The following FRMD5 variants were observed in gnomAD, a reference collection of about 807,000 sequenced individuals.
The protein encoded by FRMD5 is FERM domain containing 5.
FRMD5 carries 20 observed loss-of-function variants against 69.0 expected under a neutral mutation model. That is an observed-to-expected ratio of 0.29 (90% confidence interval 0.20 to 0.42). FRMD5 has a LOEUF of 0.42. FRMD5 is among the 10% of genes least tolerant of loss of function. The pLI, the probability that FRMD5 is intolerant of heterozygous loss-of-function variation, is 1.00. For missense variants in FRMD5, 595 were observed against 708.6 expected (o/e 0.84, Z 1.82); for synonymous variants, 271 against 260.1 (o/e 1.04, Z -0.40).
intron 1 of FRMD5, among the ~76,000 whole-genome samples, chr15:44,109,611 T>C (rs2076769013): frequency 6.6e-6 from 1 of 152,086 alleles, no homozygotes; most frequent in Admixed American, 6.6e-5. Flanking sequence ...CGGTGGTACA[T>C]TTGTTATAAT....
chr15:44,124,509 C>T (rs1337861085), intron 1 of FRMD5, among the ~76,000 whole-genome samples: 21 of 151,742 alleles, frequency 1.4e-4, no homozygotes, highest in Admixed American at 1.3e-3. Context: ...ACCATCCTGG[C>T]TAACACGGCG....
rs1595503222 is a variant in FRMD5 at position 43,905,896 on chromosome 15, G to A, written c.483C>T (p.Phe161=). 6.2e-7 allele frequency: 1 copy of A among 1,614,062 alleles called. No homozygotes were observed. The highest frequency in any genetic ancestry group is 8.5e-7 in the Non-Finnish European group (1 of 1,180,034). The change falls in exon 6 of 14, where the codon TTC becomes TTT. Residue 161 remains phenylalanine (F), a synonymous_variant. Transcript: ENST00000417257. ...TCTCTGAATGTTTAGGGAAAAACTG[G>A]AACTTGGAGCTGTAGCCTTCAGGGT... ...GKHPEGYSSK[F]QFFPKHSEKL... is the part of the protein sequence containing the mutation.
chr15:44,178,722 C>T (rs555435256), intron 1 of FRMD5, among the ~76,000 whole-genome samples: 1 of 152,118 alleles, frequency 6.6e-6, no homozygotes, highest in Admixed American at 6.6e-5. Flanking sequence ...AGGCCGGGTA[C>T]GGTGGCTCAC....
intron 8 of FRMD5, among the ~76,000 whole-genome samples, chr15:43,890,210 A>AG (rs2088763042): frequency 6.6e-6 from 1 of 152,248 alleles, no homozygotes; most frequent in South Asian, 2.1e-4. Flanking sequence ...CAGATCACCT[A>AG]GGTTCCAACA....
At chr15:44,155,158 G>A (rs1463996734) in intron 1 of FRMD5, among the ~76,000 whole-genome samples, 1 of 152,146 alleles carries the variant, frequency 6.6e-6, no homozygotes, top group Non-Finnish European at 1.5e-5. Flanking sequence ...AAGCTGGCCA[G>A]GCACGGTGGC....
chr15:44,004,130 T>C (rs932747637), intron 1 of FRMD5, among the ~76,000 whole-genome samples: 2 of 152,248 alleles, frequency 1.3e-5, no homozygotes, highest in East Asian at 1.9e-4. Context: ...CTCATATTTA[T>C]TTTTCAAACC....
At chr15:44,052,570 T>G (rs757325029) in intron 1 of FRMD5, among the ~76,000 whole-genome samples, 1 of 151,284 alleles carries the variant, frequency 6.6e-6, no homozygotes, top group Non-Finnish European at 1.5e-5. Flanking sequence ...AGAATCAAAA[T>G]ATTGCTCAGG....
In FRMD5 at chr15:43,971,711, C is replaced by T. The variant is rs141708309; in HGVS notation, c.103-47402G>A. Among the ~76,000 whole-genome samples, 865 of 151,054 alleles carry T rather than the reference C, an allele frequency of 5.7e-3. 6 individuals are homozygous for T. Among genetic ancestry groups the T allele is most frequent in the Non-Finnish European group, 9.2e-3 (622 of 67,796 alleles). ...ATTTTATATACTGTTTTTAAAACTT[C>T]GTTTTTTCTTCTTTTTTTGAGTTTC... On this transcript the variant is annotated intron_variant, in intron 1 of 13. Transcript: ENST00000417257.
rs370505804 is a variant in FRMD5 at position 43,924,288 on chromosome 15, G to A, written c.124C>T (p.Leu42=). Residue 42 remains leucine, a synonymous_variant, in exon 2 of 14, where the codon CTG becomes TTG. Transcript: ENST00000417257. ...TIQRDAKGQY[L]FDLLCHHLNL... is the part of the protein sequence containing the mutation. Reference sequence around the variant, plus strand: ...AGATGGTGGCAAAGAAGGTCAAACAGGTACTGGCCTTTGGCATCTCTCTGC... The same window carrying A: ...AGATGGTGGCAAAGAAGGTCAAACAAGTACTGGCCTTTGGCATCTCTCTGC... 1.4e-5 allele frequency: 23 copies of A among 1,613,786 alleles called. No individual in the cohort carries two copies. In the African/African-American group the frequency reaches 1.9e-4, roughly 13 times the overall value.
chr15:44,038,207 T>C (rs1168100260), intron 1 of FRMD5, among the ~76,000 whole-genome samples: 2 of 152,322 alleles, frequency 1.3e-5, no homozygotes, highest in African/African-American at 2.4e-5. Flanking sequence ...GTCAGATGGA[T>C]AGATTGCAAA....
intron 4 of FRMD5, chr15:43,919,031 C>G (rs1445249936): frequency 3.3e-6 from 1 of 300,520 alleles, no homozygotes; most frequent in African/African-American, 2.2e-5. Context: ...TCTTCAGTAT[C>G]TCCCAGCTTA....
intron 1 of FRMD5, among the ~76,000 whole-genome samples, chr15:44,010,468 G>C (rs542783356): frequency 6.7e-6 from 1 of 148,856 alleles, no homozygotes; most frequent in African/African-American, 2.5e-5. Flanking sequence ...CACGATCTCA[G>C]CTCACTGCAA....
intron 1 of FRMD5, among the ~76,000 whole-genome samples, chr15:44,074,719 C>T (rs1475562840): frequency 6.6e-6 from 1 of 152,030 alleles, no homozygotes; most frequent in East Asian, 1.9e-4. Flanking sequence ...AAGTCCATGG[C>T]CACAGTTCAA....
chr15:43,969,308 C>A (rs565468695), intron 1 of FRMD5, among the ~76,000 whole-genome samples: 1 of 152,198 alleles, frequency 6.6e-6, no homozygotes, highest in South Asian at 2.1e-4. Context: ...TCTCACACTC[C>A]TGGGCTCAAG....
chr15:43,928,414 CA>C (rs1320106658), intron 1 of FRMD5, among the ~76,000 whole-genome samples: 2 of 152,204 alleles, frequency 1.3e-5, no homozygotes, highest in African/African-American at 4.8e-5. Context: ...GCACCTTTCA[CA>C]GAGGGTTGCG....
chr15:43,933,188 A>G (rs1317328552), intron 1 of FRMD5, among the ~76,000 whole-genome samples: 1 of 152,218 alleles, frequency 6.6e-6, no homozygotes, highest in Non-Finnish European at 1.5e-5. Flanking sequence ...GGCCTAGGAA[A>G]GCAGCAGGAC....
intron 1 of FRMD5, among the ~76,000 whole-genome samples, chr15:44,159,542 T>C (rs1282710537): frequency 6.6e-6 from 1 of 152,108 alleles, no homozygotes; most frequent in African/African-American, 2.4e-5. Flanking sequence ...GAAGGGATCT[T>C]GGAGCCTAAA....
intron 1 of FRMD5, among the ~76,000 whole-genome samples, chr15:44,005,215 C>T (rs1217757444): frequency 6.6e-6 from 1 of 152,166 alleles, no homozygotes; most frequent in South Asian, 2.1e-4. Context: ...GGTGTGGTGG[C>T]TCATGCCTGT....
chr15:44,070,179 C>T (rs1470756084), intron 1 of FRMD5, among the ~76,000 whole-genome samples: 5 of 151,842 alleles, frequency 3.3e-5, no homozygotes, highest in Admixed American at 3.3e-4. Flanking sequence ...TACCTGAAAC[C>T]CATAGGAAAC....
Sources: gnomAD v4.1 joint callset for allele counts (sites outside exome capture counted in the v4.1 genomes callset) on GRCh38, gnomAD v4.1.1 for gene constraint, MANE v1.5 for transcripts, NCBI Gene and HGNC (gene_info 2026-07-23, HGNC 2026-07-21) for gene names.